The following AKAP6 variants were observed in gnomAD, a reference collection of about 807,000 sequenced individuals.
The protein encoded by AKAP6 is A-kinase anchoring protein 6.
Under a neutral mutation model 188.5 loss-of-function variants are expected in AKAP6, and 58 were observed. That is an observed-to-expected ratio of 0.31 (90% CI 0.25 to 0.38). The LOEUF is 0.38. Among genes scored for constraint, AKAP6 ranks in the 10% least tolerant of loss-of-function variants. The pLI is 1.00. For missense variants in AKAP6, 2,710 were observed against 2,740.0 expected (o/e 0.99, Z 0.24); for synonymous variants, 989 against 998.6 (o/e 0.99, Z 0.18).
chr14:32,699,971 A>G (rs934580770), intron 9 of AKAP6, among the ~76,000 whole-genome samples: 1 of 152,194 alleles, frequency 6.6e-6, no homozygotes, highest in Non-Finnish European at 1.5e-5. Context: ...TTAACTATTA[A>G]TGGAGAAATA....
chr14:32,520,945 A>AATAC (rs1410324190), intron 2 of AKAP6, among the ~76,000 whole-genome samples: 2 of 152,196 alleles, frequency 1.3e-5, no homozygotes, highest in Non-Finnish European at 2.9e-5. Flanking sequence ...TCCTCAATAA[A>AATAC]ATACTGGCAA....
chr14:32,476,731 A>C (rs745805688), intron 2 of AKAP6, among the ~76,000 whole-genome samples: 51 of 152,168 alleles, frequency 3.4e-4, no homozygotes, highest in Non-Finnish European at 6.5e-4. Flanking sequence ...AGCAAAGCCA[A>C]ATACTGACAT....
At chr14:32,740,779 TG>T (rs1351738495) in intron 11 of AKAP6, among the ~76,000 whole-genome samples, 1 of 152,090 alleles carries the variant, frequency 6.6e-6, no homozygotes, top group African/African-American at 2.4e-5. Flanking sequence ...CTACTAATTC[TG>T]TAGTATACTT....
At chr14:32,599,874 C>A (rs978333075) in intron 6 of AKAP6, among the ~76,000 whole-genome samples, 1 of 152,102 alleles carries the variant, frequency 6.6e-6, no homozygotes, top group Non-Finnish European at 1.5e-5. Context: ...CATTAGGGTA[C>A]TTATAGATAT....
chr14:32,461,566 C>T (rs1788965029), intron 2 of AKAP6, among the ~76,000 whole-genome samples: 1 of 152,116 alleles, frequency 6.6e-6, no homozygotes, highest in Non-Finnish European at 1.5e-5. Flanking sequence ...ACAAAAACTC[C>T]ATCTAAAGGC....
chr14:32,398,602 C>T (rs1222709611), intron 1 of AKAP6, among the ~76,000 whole-genome samples: 1 of 152,124 alleles, frequency 6.6e-6, no homozygotes, highest in East Asian at 1.9e-4. Flanking sequence ...CAGGCTTCTC[C>T]TGGGTCTAGC....
Position 32,716,482 on chromosome 14 carries a change from C to G in AKAP6, c.3001-15972C>G, listed in dbSNP as rs75608357. On this transcript the variant is annotated intron_variant, in intron 9 of 13. Coordinates refer to ENST00000280979, the MANE Select transcript of AKAP6 (RefSeq NM_004274.5). ...CATTTAGTATATACTATAGTATACA[C>G]TATGTATTTAGTATATGCTATAGTA... Among the ~76,000 whole-genome samples the G allele has an allele frequency of 8.5e-3, 1,275 of 150,576 alleles. 17 individuals carry two copies. Among genetic ancestry groups the G allele is most frequent in the African/African-American group, 0.03 (1,226 of 41,150 alleles).
At chr14:32,719,171 A>T (rs1244698511) in intron 9 of AKAP6, among the ~76,000 whole-genome samples, 3 of 151,588 alleles carry the variant, frequency 2.0e-5, no homozygotes, top group Non-Finnish European at 4.4e-5. Flanking sequence ...CCAAAAAAAA[A>T]GTCACAATGT....
At chr14:32,741,369 T>G (rs1413895703) in intron 11 of AKAP6, among the ~76,000 whole-genome samples, 2 of 152,116 alleles carry the variant, frequency 1.3e-5, no homozygotes, top group Non-Finnish European at 2.9e-5. Flanking sequence ...TTCTCTTGTC[T>G]GATCGCTTTA....
rs57925449 is a variant in AKAP6 at position 32,717,608 on chromosome 14, TCACACA to T, written c.3001-14823_3001-14818del. The stretch of plus-strand genomic sequence containing the variant: ...TTACTTTTATCACTCTTGTCTCTTA[TCACACA>T]CACACACACACACACACACACATTC... On this transcript the variant is annotated intron_variant, in intron 9 of 13. Transcript: ENST00000280979. Among the ~76,000 whole-genome samples, 16 of 147,838 alleles carry T rather than the reference TCACACA, an allele frequency of 1.1e-4. 1 individual carries two copies. Among genetic ancestry groups the T allele is most frequent in the South Asian group, 1.1e-3 (5 of 4,646 alleles).
At chr14:32,549,578 T>C (rs1883362593) in intron 4 of AKAP6, among the ~76,000 whole-genome samples, 1 of 152,182 alleles carries the variant, frequency 6.6e-6, no homozygotes, top group Non-Finnish European at 1.5e-5. Flanking sequence ...GCAATTAGAA[T>C]TTGTTCACCA....
At chr14:32,616,140 A>G (rs1454865673) in intron 7 of AKAP6, among the ~76,000 whole-genome samples, 2 of 152,222 alleles carry the variant, frequency 1.3e-5, no homozygotes, top group Non-Finnish European at 2.9e-5. Context: ...AGGAATACTT[A>G]TACAGTGTTG....
intron 1 of AKAP6, among the ~76,000 whole-genome samples, chr14:32,350,750 G>A (rs1887237328): frequency 6.6e-6 from 1 of 151,934 alleles, no homozygotes; most frequent in Non-Finnish European, 1.5e-5. Context: ...AATAAAAAAT[G>A]TATTAAATGA....
Position 32,759,487 on chromosome 14 carries a change from A to G in AKAP6, c.3373-14191A>G, listed in dbSNP as rs1166545502. 2.6e-5 allele frequency among the ~76,000 whole-genome samples: 4 copies of G among 152,210 alleles called. No homozygotes were observed. The East Asian group carries it at 5.8e-4, about 22-fold the overall frequency. On this transcript the variant is annotated intron_variant, in intron 11 of 13. Coordinates refer to ENST00000280979, the MANE Select transcript of AKAP6 (RefSeq NM_004274.5). The stretch of plus-strand genomic sequence containing the variant: ...CCTTATCCAAGCCAAGACCACCAGC[A>G]AAAGAGCCAATGAGTGTCTGTTTAG...
chr14:32,425,735 T>C (rs1235915580), intron 1 of AKAP6, among the ~76,000 whole-genome samples: 1 of 152,226 alleles, frequency 6.6e-6, no homozygotes, highest in Non-Finnish European at 1.5e-5. Flanking sequence ...TTCTTATAGA[T>C]GCTGGATAGT....
At chr14:32,607,695 A>G (rs573396039) in intron 7 of AKAP6, among the ~76,000 whole-genome samples, 3 of 152,184 alleles carry the variant, frequency 2.0e-5, no homozygotes, top group Non-Finnish European at 4.4e-5. Flanking sequence ...GATCATCTTA[A>G]TTAGGATGTT....
At chr14:32,591,648 C>CTT (rs71432068) in intron 5 of AKAP6, among the ~76,000 whole-genome samples, 2 of 131,876 alleles carry the variant, frequency 1.5e-5, no homozygotes, top group African/African-American at 5.6e-5. Context: ...AGTGTCTTCT[C>CTT]TTTTTTTTTT....
chr14:32,735,329 CA>C (rs1407762979), intron 10 of AKAP6, among the ~76,000 whole-genome samples: 1 of 152,040 alleles, frequency 6.6e-6, no homozygotes, highest in African/African-American at 2.4e-5. Flanking sequence ...CCAAAAAATT[CA>C]AATGAATTTT....
intron 5 of AKAP6, among the ~76,000 whole-genome samples, chr14:32,587,613 A>C (rs1247363546): frequency 6.6e-6 from 1 of 152,124 alleles, no homozygotes; most frequent in Non-Finnish European, 1.5e-5. Context: ...GAGAAGAGGG[A>C]ATAGATTCAA....
Sources: allele counts gnomAD v4.1 joint callset (sites outside exome capture counted in the v4.1 genomes callset), GRCh38; gene constraint gnomAD v4.1.1; transcripts MANE v1.5; gene names NCBI Gene and HGNC (gene_info 2026-07-23, HGNC 2026-07-21).